The following CYP46A1 variants were observed in gnomAD, a reference collection of about 807,000 sequenced individuals.
CYP46A1 encodes cholesterol 24-hydroxylase.
CYP46A1 carries 20 observed loss-of-function variants against 63.3 expected under a neutral mutation model. The ratio of observed to expected loss-of-function variants is 0.32; its 90% confidence interval spans 0.22 to 0.46. CYP46A1 has a LOEUF of 0.46. Among genes scored for constraint, CYP46A1 ranks in the 20% least tolerant of loss-of-function variants. The probability of loss-of-function intolerance (pLI) is 1.00; values close to 1 mark genes in which losing one functional copy is unlikely to be tolerated. For missense variants in CYP46A1, 445 were observed against 670.8 expected, an observed-to-expected ratio of 0.66 and a Z score of 3.72; for synonymous variants, 268 against 273.6, an observed-to-expected ratio of 0.98 and a Z score of 0.20.
intron 5 of CYP46A1, among the ~76,000 whole-genome samples, chr14:99,703,493 CT>C (rs2056649430): frequency 1.3e-5 from 2 of 152,298 alleles, no homozygotes; most frequent in East Asian, 1.9e-4. Context: ...CAGTCTGCCC[CT>C]AAACCCCTCC....
At chr14:99,718,507 C>T (rs2056813969) in intron 10 of CYP46A1, among the ~76,000 whole-genome samples, 1 of 152,216 alleles carries the variant, frequency 6.6e-6, no homozygotes, top group Non-Finnish European at 1.5e-5. Flanking sequence ...AGTGCCTGGC[C>T]AGGGCCTGGC....
intron 7 of CYP46A1, chr14:99,708,596 A>G (rs1194405755): frequency 6.4e-6 from 1 of 157,468 alleles, no homozygotes; most frequent in Non-Finnish European, 1.4e-5. Context: ...ACTTGCCGAC[A>G]CTGGCCCCCA....
chr14:99,708,149 A>C, intron 7 of CYP46A1: 1 of 228,490 alleles, frequency 4.4e-6, no homozygotes, highest in Non-Finnish European at 8.8e-6. Flanking sequence ...TGCCCCACCC[A>C]CTGCCAGCAC....
chr14:99,725,700 C>T lies in CYP46A1; in HGVS notation c.1265+221C>T, dbSNP rs1326076881. ...TCAGTCTGGTTCTAAAGCTCATGCT[C>T]ATAAGCAGCACCAAATACTGGGAAG... On this transcript the variant is annotated intron_variant, in intron 13 of 14. Transcript: ENST00000261835. The surrounding 1 kb of genome is among the most constrained non-coding windows in gnomAD (Gnocchi z 4.2). 6.6e-6 allele frequency among the ~76,000 whole-genome samples: 1 copy of T among 152,232 alleles called. No individual in the cohort carries two copies. Among genetic ancestry groups the T allele is most frequent in the Non-Finnish European group, 1.5e-5 (1 of 68,038 alleles).
At chr14:99,691,947 G>C in intron 3 of CYP46A1, 86 bp downstream of exon 3, 1 of 1,354,668 alleles carries the variant, frequency 7.4e-7, no homozygotes, top group South Asian at 1.2e-5. Flanking sequence ...GACTTTGGAT[G>C]AATGTTCCAG....
chr14:99,691,812 A>C lies in CYP46A1; in HGVS notation c.233A>C (p.Asn78Thr). ...AKKYGPVVRV[N>T]VFHKTSVIVT... ...AAGTATGGACCTGTTGTGCGGGTCAACGTCTTCCACAAAACCTCAGTCATC... is the reference window on the plus strand; with the variant it reads ...AAGTATGGACCTGTTGTGCGGGTCACCGTCTTCCACAAAACCTCAGTCATC... The change falls in exon 3 of 15, where the codon AAC (asparagine) becomes ACC (threonine). Residue 78 changes from asparagine to threonine, a missense_variant. Physicochemically the swap from Asn to Thr is moderately conservative, Grantham distance 65. This residue lies in a region of CYP46A1 where 252 missense variants were observed against 383.3 expected (regional missense o/e 0.66). Transcript: ENST00000261835. 6.2e-7 allele frequency: 1 copy of C among 1,614,246 alleles called. No individual in the cohort carries two copies. Among genetic ancestry groups the C allele is most frequent in the Non-Finnish European group, 8.5e-7 (1 of 1,180,048 alleles).
chr14:99,710,178 A>G (rs2056716855), intron 7 of CYP46A1: 1 of 152,212 alleles, frequency 6.6e-6, no homozygotes, highest in Non-Finnish European at 1.5e-5. Context: ...AATGAGAAAG[A>G]GAAAGGAGTT....
intron 1 of CYP46A1, 105 bp downstream of exon 1, chr14:99,684,641 G>T: frequency 1.0e-6 from 1 of 983,270 alleles, no homozygotes; most frequent in Admixed American, 2.2e-5. Context: ...CGCCTAGTGC[G>T]CGCGGCCGCT....
chr14:99,722,995 G>C lies in CYP46A1; in HGVS notation c.1176+929G>C, dbSNP rs2056862936. 1.9e-5 allele frequency: 8 copies of C among 420,072 alleles called. No individual in the cohort carries two copies. Among genetic ancestry groups the C allele is most frequent in the South Asian group, 1.3e-4 (8 of 60,760 alleles). 26.0% of individuals were successfully genotyped at this position (420,072 alleles called of 1,614,324 possible). On this transcript the variant is annotated intron_variant, in intron 12 of 14. Transcript: ENST00000261835. This position sits in a 1 kb window ranked among gnomAD's most constrained non-coding sequence, Gnocchi z 4.6. Reference sequence around the variant, plus strand: ...AACGAACGCCACATTGTTTTCCAAAGTGGCTGCACCAACTTGGATGCCCAG... The same window carrying C: ...AACGAACGCCACATTGTTTTCCAAACTGGCTGCACCAACTTGGATGCCCAG...
rs758560402 is a variant in CYP46A1 at position 99,718,105 on chromosome 14, G to A, written c.959G>A (p.Arg320His). 2.5e-6 allele frequency: 4 copies of A among 1,613,930 alleles called. No homozygotes were observed. The highest frequency in any genetic ancestry group is 2.2e-5 in the East Asian group (1 of 44,882). Residue 320 changes from arginine (R) to histidine (H), a missense_variant, in exon 10 of 15, where the codon CGC becomes CAC. Coordinates refer to ENST00000261835, the MANE Select transcript of CYP46A1 (RefSeq NM_006668.2). ...HLAFTVMELS[R>H]QPEIVARLQA... is the part of the protein sequence containing the mutation. ...GCGTTCACAGTGATGGAGCTGTCTCGCCAGCCAGAGATCGTGGCAAGGTAT... is the reference window on the plus strand; with the variant it reads ...GCGTTCACAGTGATGGAGCTGTCTCACCAGCCAGAGATCGTGGCAAGGTAT...
In CYP46A1 at chr14:99,721,353, C is replaced by T. The variant is rs192875153; in HGVS notation, c.1065+30C>T. The T allele has an allele frequency of 6.0e-4, 863 of 1,448,320 alleles. 3 individuals are homozygous for T. The highest frequency in any genetic ancestry group is 8.9e-4 in the South Asian group (78 of 87,742). 89.7% of individuals were successfully genotyped at this position (1,448,320 alleles called of 1,614,324 possible). ...GGGAAGTAGGAGGGAAGCTTCTGGGCGGATGTGGGTGATCATGTCATCATG... is the reference window on the plus strand; with the variant it reads ...GGGAAGTAGGAGGGAAGCTTCTGGGTGGATGTGGGTGATCATGTCATCATG... On this transcript the variant is annotated intron_variant, in intron 11 of 14. Transcript: ENST00000261835.
Position 99,692,901 on chromosome 14 carries a change from GA to G in CYP46A1, c.282+1042del, listed in dbSNP as rs2056556156. ...TGGCATTGTCTGTCCTGTCTGCCAT[GA>G]AGGTTCCAAGAATGGGTATCTGCTG... is the stretch of plus-strand genomic sequence containing the variant. On this transcript the variant is annotated intron_variant, in intron 3 of 14. Coordinates refer to ENST00000261835, the MANE Select transcript of CYP46A1 (RefSeq NM_006668.2). Among the ~76,000 whole-genome samples the G allele has an allele frequency of 5.9e-5, 9 of 152,282 alleles. No individual in the cohort carries two copies. The South Asian group carries it at 1.9e-3, about 32-fold the overall frequency.
intron 1 of CYP46A1, among the ~76,000 whole-genome samples, chr14:99,690,062 A>G (rs1021799950): frequency 6.6e-6 from 1 of 152,132 alleles, no homozygotes; most frequent in Non-Finnish European, 1.5e-5. Context: ...CTCTGACCTC[A>G]GGACCTTGGC....
chr14:99,698,767 A>G (rs1180979690), intron 3 of CYP46A1, among the ~76,000 whole-genome samples: 2 of 152,238 alleles, frequency 1.3e-5, no homozygotes, highest in Non-Finnish European at 2.9e-5. Context: ...CTGACTACAC[A>G]GCCCACGCTG....
At chr14:99,685,033 C>T in intron 1 of CYP46A1, among the ~76,000 whole-genome samples, 1 of 148,926 alleles carries the variant, frequency 6.7e-6, no homozygotes, top group Non-Finnish European at 1.5e-5. Flanking sequence ...TTAGTACTTA[C>T]AATTGCATTC....
chr14:99,684,663 G>T, intron 1 of CYP46A1, 127 bp downstream of exon 1: 1 of 754,076 alleles, frequency 1.3e-6, no homozygotes, highest in Non-Finnish European at 2.2e-6. Flanking sequence ...GGAGTCGGCG[G>T]CCCCGAGAGG....
At position 99,690,285 on chromosome 14, in the gene CYP46A1, G is replaced by T. The variant is rs149401980; in HGVS notation, c.120-796G>T. Among the ~76,000 whole-genome samples, 1,515 of 152,278 alleles carry T rather than the reference G, an allele frequency of 9.9e-3. 21 individuals carry two copies. The highest frequency in any genetic ancestry group is 0.034 in the African/African-American group (1,428 of 41,544). ...TCCACAAGCTTAGCGTTCCAATAATGGAACACTAGGCATAAATGGGTTTTA... is the reference window on the plus strand; with the variant it reads ...TCCACAAGCTTAGCGTTCCAATAATTGAACACTAGGCATAAATGGGTTTTA... On this transcript the variant is annotated intron_variant, in intron 1 of 14. Transcript: ENST00000261835.
In CYP46A1 at chr14:99,725,289, A is replaced by T; in HGVS notation, c.1177-102A>T. 16 of 831,642 alleles carry T rather than the reference A, an allele frequency of 1.9e-5. No homozygotes were observed. The highest frequency in any genetic ancestry group is 2.4e-4 in the Middle Eastern group (1 of 4,150). The allele number at this position is 831,642 out of a possible 1,614,324, so 51.5% of individuals were successfully genotyped here. On this transcript the variant is annotated intron_variant, in intron 12 of 14. Transcript: ENST00000261835. This position sits in a 1 kb window ranked among gnomAD's most constrained non-coding sequence, Gnocchi z 4.2. Reference sequence around the variant, plus strand: ...GAAGACATGGGGGGAGGAGAGTGGGACCCACTCTGCTCTGAGTAGCCCTGT... The same window carrying T: ...GAAGACATGGGGGGAGGAGAGTGGGTCCCACTCTGCTCTGAGTAGCCCTGT...
In CYP46A1 at chr14:99,702,025, A is replaced by G. The variant is rs1293895901; in HGVS notation, c.443+1924A>G. 8.6e-5 allele frequency among the ~76,000 whole-genome samples: 12 copies of G among 139,958 alleles called. No individual in the cohort carries two copies. The Admixed American group carries it at 9.6e-4, about 11-fold the overall frequency. The allele number at this position is 139,958 out of a possible 152,430, so 91.8% of individuals were successfully genotyped here. ...GCGGAGGTTGAAGTGAGCTGAGATC[A>G]CTCCACTGCACTCCAGCCTGGGTGA... On this transcript the variant is annotated intron_variant, in intron 5 of 14. Transcript: ENST00000261835.
Sources: gnomAD v4.1 joint callset for allele counts (sites outside exome capture counted in the v4.1 genomes callset) on GRCh38, gnomAD v4.1.1 for gene constraint, gnomAD v4.1.1 regional missense constraint, Gnocchi (gnomAD v3.1) non-coding constraint, MANE v1.5 for transcripts, NCBI Gene and HGNC (gene_info 2026-07-23, HGNC 2026-07-21) for gene names.